ZNF106: variants seen among roughly 807,000 people sequenced by gnomAD.
The protein encoded by ZNF106 is zinc finger protein 106.
A neutral mutation model predicts 195.1 loss-of-function variants in ZNF106; 67 were observed. The observed-to-expected ratio is 0.34, with a 90% CI of 0.28 to 0.42. The LOEUF (loss-of-function observed/expected upper bound fraction) is 0.42, where lower values mean the gene tolerates loss of function less well. ZNF106 is among the 10% of genes least tolerant of loss of function. The probability of loss-of-function intolerance (pLI) is 1.00; values close to 1 mark genes in which losing one functional copy is unlikely to be tolerated. For synonymous variants in ZNF106, 784 were observed against 818.6 expected, an observed-to-expected ratio of 0.96 and a Z score of 0.72; for missense variants, 2,118 against 2,304.5, an observed-to-expected ratio of 0.92 and a Z score of 1.66.
At chr15:42,459,437 C>G (rs1290808960) in intron 3 of ZNF106, among the ~76,000 whole-genome samples, 1 of 152,190 alleles carries the variant, frequency 6.6e-6, no homozygotes, top group African/African-American at 2.4e-5. Flanking sequence ...GATCGCACCA[C>G]TGCACTCCAG....
At chr15:42,447,717 A>G (rs1234832169) in intron 6 of ZNF106, among the ~76,000 whole-genome samples, 1 of 152,254 alleles carries the variant, frequency 6.6e-6, no homozygotes, top group Non-Finnish European at 1.5e-5. Flanking sequence ...GTGCAACAGT[A>G]GAACGCCTTT....
chr15:42,488,499 C>G (rs2057065670), intron 1 of ZNF106, among the ~76,000 whole-genome samples: 1 of 151,986 alleles, frequency 6.6e-6, no homozygotes, highest in Admixed American at 6.6e-5. Context: ...ATTTCACATG[C>G]TAGAGGTCCA....
At chr15:42,482,249 C>G (rs772162658) in intron 1 of ZNF106, among the ~76,000 whole-genome samples, 4 of 152,042 alleles carry the variant, frequency 2.6e-5, no homozygotes, top group Non-Finnish European at 4.4e-5. Context: ...AGTTTAAAAT[C>G]ATTTCCTGCT....
intron 17 of ZNF106, 44 bp from the exon 18 acceptor site, chr15:42,422,664 A>G (rs1291083561): frequency 6.4e-7 from 1 of 1,561,172 alleles, no homozygotes; most frequent in East Asian, 2.3e-5. Flanking sequence ...GACTTTCGAG[A>G]CTCCTTCCTG....
intron 1 of ZNF106, among the ~76,000 whole-genome samples, chr15:42,490,023 A>G (rs1033628936): frequency 2.6e-5 from 4 of 152,066 alleles, no homozygotes; most frequent in Admixed American, 2.6e-4. Flanking sequence ...TGGGCGAAAG[A>G]GCGAAACTCC....
intron 8 of ZNF106, 138 bp from the exon 9 acceptor site, chr15:42,444,400 T>G (rs1447155471): frequency 1.5e-6 from 1 of 650,192 alleles, no homozygotes; most frequent in Non-Finnish European, 2.6e-6. Flanking sequence ...GCAGGTTTTC[T>G]CCAGCAGGCT....
intron 2 of ZNF106, among the ~76,000 whole-genome samples, chr15:42,468,250 G>GTT (rs2056576082): frequency 6.6e-6 from 1 of 150,930 alleles, no homozygotes; most frequent in African/African-American, 2.4e-5. Flanking sequence ...CTAATTTTTT[G>GTT]TATTTTTAGT....
intron 7 of ZNF106, among the ~76,000 whole-genome samples, chr15:42,445,870 A>G (rs770724990): frequency 2.2e-4 from 34 of 152,246 alleles, no homozygotes; most frequent in Non-Finnish European, 4.4e-4. Flanking sequence ...TCACAGAAAT[A>G]CATCAATGAG....
At chr15:42,481,032 C>T (rs912625388) in intron 1 of ZNF106, among the ~76,000 whole-genome samples, 3 of 152,058 alleles carry the variant, frequency 2.0e-5, no homozygotes, top group African/African-American at 7.2e-5. Context: ...AACCCTGCAA[C>T]CATATAGGCC....
At chr15:42,476,645 GTA>G (rs144853776) in intron 1 of ZNF106, among the ~76,000 whole-genome samples, 22 of 149,392 alleles carry the variant, frequency 1.5e-4, no homozygotes, top group African/African-American at 2.2e-4. Flanking sequence ...TATCCATTTT[GTA>G]TATATATATA....
At position 42,439,676 on chromosome 15, in the gene ZNF106, T is replaced by C. The variant is rs757622225; in HGVS notation, c.3901A>G (p.Asn1301Asp). The C allele has an allele frequency of 6.2e-7, 1 of 1,613,980 alleles. No homozygotes were observed. Among genetic ancestry groups the C allele is most frequent in the East Asian group, 2.2e-5 (1 of 44,872 alleles). ...VEQRNTRNRE[N>D]SPSSQSAGLS... ...CCAGCTGATTGGGAAGAGGGAGAGT[T>C]TTCTCTGTTTCTGGTATTTCTTTGC... The change falls in exon 11 of 22, where the codon AAC becomes GAC. Residue 1301 changes from asparagine (N) to aspartate (D), a missense_variant. Transcript: ENST00000564754.
chr15:42,450,682 A>G lies in ZNF106; in HGVS notation c.1590T>C (p.Arg530=). 1.2e-6 allele frequency: 2 copies of G among 1,614,190 alleles called. No homozygotes were observed. The highest frequency in any genetic ancestry group is 1.7e-6 in the Non-Finnish European group (2 of 1,180,032). Residue 530 remains arginine (R), a synonymous_variant, in exon 5 of 22, where the codon CGT becomes CGC. Coordinates refer to ENST00000564754, the MANE Select transcript of ZNF106 (RefSeq NM_001366845.3). ...CTTTTAAAACATGAGGACATGAACT[A>G]CGCAGTTTGGATATGTAAGGACCAT... ...DNHGPYISKL[R]SSCPHVLKGN... is the part of the protein sequence containing the mutation.
chr15:42,428,776 CT>C (rs1481084475), intron 14 of ZNF106, among the ~76,000 whole-genome samples: 1 of 152,056 alleles, frequency 6.6e-6, no homozygotes, highest in African/African-American at 2.4e-5. Flanking sequence ...AAAACGATTT[CT>C]TTTTGAGACG....
rs1247279182 is a variant in ZNF106 at position 42,436,953 on chromosome 15, G to GA, written c.4746+278dup. On this transcript the variant is annotated intron_variant, in intron 13 of 21. Coordinates refer to ENST00000564754, the MANE Select transcript of ZNF106 (RefSeq NM_001366845.3). ...AGGACCCTTCTGTGCTGGTGGGAGG[G>GA]AAAAAGAGACTCCAGTGGCTCCTGA... Among the ~76,000 whole-genome samples the GA allele has an allele frequency of 2.0e-5, 3 of 152,156 alleles. No homozygotes were observed. In the East Asian group the frequency reaches 5.8e-4, roughly 29 times the overall value.
At chr15:42,486,226 G>A (rs1157082197) in intron 1 of ZNF106, among the ~76,000 whole-genome samples, 1 of 151,690 alleles carries the variant, frequency 6.6e-6, no homozygotes, top group Admixed American at 6.6e-5. Context: ...CCAAAGTGCT[G>A]GGACTACAGG....
intron 3 of ZNF106, among the ~76,000 whole-genome samples, chr15:42,462,825 C>G (rs939799789): frequency 1.3e-5 from 2 of 152,152 alleles, no homozygotes; most frequent in Admixed American, 6.5e-5. Flanking sequence ...TCACTGCCAC[C>G]CAGGCTGGAG....
chr15:42,466,160 G>T, intron 2 of ZNF106, 46 bp from the exon 3 acceptor site: 68 of 1,151,638 alleles, frequency 5.9e-5, no homozygotes, highest in East Asian at 1.3e-4. Context: ...GGATTGCTTT[G>T]AAAAAAAAAA....
rs2055989423 is a variant in ZNF106, at chr15:42,450,847, G to A, written c.1425C>T (p.Ser475=). 1.2e-6 allele frequency: 2 copies of A among 1,614,122 alleles called. No individual in the cohort carries two copies. Among genetic ancestry groups the A allele is most frequent in the Non-Finnish European group, 1.7e-6 (2 of 1,180,026 alleles). ...TAGTGGCTGGACATGGAAGGAGTGG[G>A]GATTTCAATGATGGCATTTTATTTG... ...HTPNKMPSLK[S]PLLPCPATKS... The change falls in exon 5 of 22, where the codon TCC becomes TCT. Residue 475 remains serine, a synonymous_variant. Transcript: ENST00000564754.
chr15:42,458,802 T>A (rs575976261), intron 3 of ZNF106, among the ~76,000 whole-genome samples: 2 of 151,750 alleles, frequency 1.3e-5, no homozygotes, highest in East Asian at 1.9e-4. Flanking sequence ...TTTTTTTTTT[T>A]AAATGAATAT....
Sources: allele counts gnomAD v4.1 joint callset (sites outside exome capture counted in the v4.1 genomes callset), GRCh38; gene constraint gnomAD v4.1.1; transcripts MANE v1.5; gene names NCBI Gene and HGNC (gene_info 2026-07-23, HGNC 2026-07-21).